CTCFL: variants seen among roughly 807,000 people sequenced by gnomAD.
CTCFL encodes the protein CCCTC-binding factor like.
In CTCFL, 36 loss-of-function variants were observed where a neutral mutation model predicts 67.4. That is an observed-to-expected ratio of 0.53 (90% CI 0.41 to 0.71). The LOEUF (loss-of-function observed/expected upper bound fraction) is 0.71, where lower values mean the gene tolerates loss of function less well. Among genes scored for constraint, CTCFL ranks in the 30% least tolerant of loss-of-function variants. The pLI is 0.00. For missense variants in CTCFL, 786 were observed against 835.2 expected, an observed-to-expected ratio of 0.94 and a Z score of 0.73; for synonymous variants, 324 against 302.3, an observed-to-expected ratio of 1.07 and a Z score of -0.75.
intron 10 of CTCFL, among the ~76,000 whole-genome samples, chr20:57,501,650 C>T (rs572406810): frequency 1.4e-4 from 21 of 152,270 alleles, no homozygotes; most frequent in African/African-American, 2.4e-4. Flanking sequence ...CTGTGCCCTG[C>T]GGGGCCGGAT....
chr20:57,525,106 C>T lies in CTCFL; in HGVS notation c.-90G>A, dbSNP rs879916819. On this transcript the variant is annotated 5_prime_UTR_variant, in exon 1 of 11. Coordinates refer to ENST00000243914, the MANE Select transcript of CTCFL (RefSeq NM_001386993.1). ...CTGCCTCGTGCACCGCGTGCTGCAG[C>T]CCACAGCCGGCCGCCGCCGGGCTGG... The T allele has an allele frequency of 3.0e-3, 449 of 152,168 alleles. 1 individual carries two copies. Among genetic ancestry groups the T allele is most frequent in the Non-Finnish European group, 5.1e-3 (346 of 68,108 alleles). 9.4% of individuals were successfully genotyped at this position (152,168 alleles called of 1,614,324 possible). A position where few individuals can be genotyped will look rare whatever the true frequency, so the allele number is the denominator to read the frequency against.
chr20:57,504,424 C>T (rs1278679611), intron 9 of CTCFL, among the ~76,000 whole-genome samples: 1 of 151,594 alleles, frequency 6.6e-6, no homozygotes, highest in Non-Finnish European at 1.5e-5. Context: ...GGACTACAGG[C>T]GAGTGCCACC....
chr20:57,498,943 G>A (rs2067776688), intron 10 of CTCFL, among the ~76,000 whole-genome samples: 2 of 152,104 alleles, frequency 1.3e-5, no homozygotes, highest in Middle Eastern at 3.4e-3. Context: ...GGGGCAGGGC[G>A]CTGTTCTGGG....
At chr20:57,498,776 T>C in intron 10 of CTCFL, 75 bp from the exon 11 acceptor site, 1 of 1,387,168 alleles carries the variant, frequency 7.2e-7, no homozygotes, top group Non-Finnish European at 1.0e-6. Flanking sequence ...TGCAAATATA[T>C]TTTGGAAACC....
rs147730636 is a variant in CTCFL at position 57,519,686 on chromosome 20, G to A, written c.755-309C>T. Among the ~76,000 whole-genome samples the A allele has an allele frequency of 5.3e-3, 803 of 152,276 alleles. 8 individuals carry two copies. Among genetic ancestry groups the A allele is most frequent in the African/African-American group, 0.018 (766 of 41,540 alleles). On this transcript the variant is annotated intron_variant, in intron 3 of 10. Transcript: ENST00000243914. ...ATGCCTGAACATTTCAGAATGTCTT[G>A]TAGACCTAAGGAGAGATGAGAAAAG...
intron 9 of CTCFL, among the ~76,000 whole-genome samples, chr20:57,505,004 T>C (rs932506630): frequency 2.0e-5 from 3 of 151,868 alleles, no homozygotes; most frequent in Non-Finnish European, 4.4e-5. Context: ...CTGGTCTTAC[T>C]GCACCAGGCA....
At position 57,506,974 on chromosome 20, in the gene CTCFL, A is replaced by G. The variant is rs553073538; in HGVS notation, c.1674+1632T>C. On this transcript the variant is annotated intron_variant, in intron 9 of 10. Coordinates refer to ENST00000243914, the MANE Select transcript of CTCFL (RefSeq NM_001386993.1). ...AACTACACTACTGTTTTAAGAAGAA[A>G]TATTTTTAAAAAAATAGTCAACTTC... The G allele has an allele frequency of 1.4e-4, 142 of 984,504 alleles. 1 individual carries two copies. The South Asian group carries it at 5.3e-3, about 37-fold the overall frequency. 61.0% of individuals were successfully genotyped at this position (984,504 alleles called of 1,614,324 possible). A position where few individuals can be genotyped will look rare whatever the true frequency, so the allele number is the denominator to read the frequency against.
intron 6 of CTCFL, chr20:57,515,467 G>C (rs2068846525): frequency 2.1e-6 from 1 of 469,938 alleles, no homozygotes; most frequent in African/African-American, 2.0e-5. Flanking sequence ...TTAAATACCT[G>C]AAAAATCTAC....
At chr20:57,510,918 C>T (rs1195903362) in intron 8 of CTCFL, among the ~76,000 whole-genome samples, 1 of 152,178 alleles carries the variant, frequency 6.6e-6, no homozygotes, top group Non-Finnish European at 1.5e-5. Flanking sequence ...CCTCAGTCCA[C>T]TGGAGTATGT....
chr20:57,504,657 G>T (rs2068103293), intron 9 of CTCFL, among the ~76,000 whole-genome samples: 1 of 151,830 alleles, frequency 6.6e-6, no homozygotes, highest in Non-Finnish European at 1.5e-5. Flanking sequence ...CACCGGCAGG[G>T]AGACCTAAGA....
Position 57,497,906 on chromosome 20 carries a change from T to C in CTCFL, c.*644A>G, listed in dbSNP as rs1420332950. 19 of 954,986 alleles carry C rather than the reference T, an allele frequency of 2.0e-5. No homozygotes were observed. In the East Asian group the frequency reaches 3.5e-4, roughly 17 times the overall value. 59.2% of individuals were successfully genotyped at this position (954,986 alleles called of 1,614,324 possible). On this transcript the variant is annotated 3_prime_UTR_variant, in exon 11 of 11. Transcript: ENST00000243914. Reference sequence around the variant, plus strand: ...ACCAAAGTAAAATCGATTTATTCCTTATTTTCTAGTCTAATCTAGTATTTC... The same window carrying C: ...ACCAAAGTAAAATCGATTTATTCCTCATTTTCTAGTCTAATCTAGTATTTC...
intron 9 of CTCFL, among the ~76,000 whole-genome samples, chr20:57,508,150 T>C (rs2068323435): frequency 6.6e-6 from 1 of 152,156 alleles, no homozygotes; most frequent in Non-Finnish European, 1.5e-5. Flanking sequence ...TTGCCCAGGC[T>C]GATCTCAAAC....
chr20:57,503,343 A>G lies in CTCFL; in HGVS notation c.1840+93T>C, dbSNP rs1222282409. The G allele has an allele frequency of 2.8e-6, 4 of 1,447,506 alleles. No homozygotes were observed. The African/African-American group carries it at 5.6e-5, about 20-fold the overall frequency. 89.7% of individuals were successfully genotyped at this position (1,447,506 alleles called of 1,614,324 possible). On this transcript the variant is annotated intron_variant, in intron 10 of 10. Transcript: ENST00000243914. The stretch of plus-strand genomic sequence containing the variant: ...ACTGGTGGACAAATAGGGGCTCTGG[A>G]CACATCCCCTGGACAGTAACACTCG...
rs373473456 is a variant in CTCFL, at chr20:57,524,796, A to G, written c.-12+232T>C. The G allele has an allele frequency of 1.1e-3, 1,097 of 982,578 alleles. 1 individual carries two copies. The highest frequency in any genetic ancestry group is 1.6e-3 in the Admixed American group (26 of 16,240). The allele number at this position is 982,578 out of a possible 1,614,324, so 60.9% of individuals were successfully genotyped here. A position where few individuals can be genotyped will look rare whatever the true frequency, so the allele number is the denominator to read the frequency against. ...GCCTAGTGGCCTCGAGCCCACCCAG[A>G]CTTGGCCAAGCAGCCCTCGGCCAGA... On this transcript the variant is annotated intron_variant, in intron 1 of 10. Transcript: ENST00000243914.
chr20:57,519,658 G>A (rs1371801887), intron 3 of CTCFL, among the ~76,000 whole-genome samples: 1 of 152,196 alleles, frequency 6.6e-6, no homozygotes, highest in Non-Finnish European at 1.5e-5. Context: ...TGCTAGGGAG[G>A]AGATGCCTGA....
chr20:57,519,108 A>G (rs2069145676), intron 4 of CTCFL, 99 bp downstream of exon 4: 1 of 1,330,442 alleles, frequency 7.5e-7, no homozygotes, highest in African/African-American at 1.5e-5. Flanking sequence ...AAAGTATAAA[A>G]TGTTACACGA....
chr20:57,509,371 C>T (rs1299960473), intron 8 of CTCFL, among the ~76,000 whole-genome samples: 4 of 150,592 alleles, frequency 2.7e-5, no homozygotes, highest in Admixed American at 6.6e-5. Flanking sequence ...CCAAGTGATC[C>T]TCCTGCCTCA....
intron 10 of CTCFL, among the ~76,000 whole-genome samples, chr20:57,502,178 G>C (rs1381128680): frequency 3.3e-5 from 5 of 152,194 alleles, no homozygotes; most frequent in African/African-American, 9.7e-5. Context: ...GGCAGGCCGG[G>C]GGCACACCCA....
At chr20:57,513,020 AATC>A (rs1237439682) in intron 7 of CTCFL, among the ~76,000 whole-genome samples, 1 of 152,152 alleles carries the variant, frequency 6.6e-6, no homozygotes, top group Admixed American at 6.5e-5. Flanking sequence ...TGGGTGGTAA[AATC>A]ATTCTCAGCT....
Sources: gnomAD v4.1 joint callset for allele counts (sites outside exome capture counted in the v4.1 genomes callset) on GRCh38, gnomAD v4.1.1 for gene constraint, MANE v1.5 for transcripts, NCBI Gene and HGNC (gene_info 2026-07-23, HGNC 2026-07-21) for gene names.